The following MAPK8 variants were observed in gnomAD, a reference collection of about 807,000 sequenced individuals.
The protein encoded by MAPK8 is mitogen-activated protein kinase 8.
A neutral mutation model predicts 52.9 loss-of-function variants in MAPK8; 13 were observed. That is an observed-to-expected ratio of 0.25 (90% CI 0.16 to 0.39). The LOEUF (loss-of-function observed/expected upper bound fraction) is 0.39, where lower values mean the gene tolerates loss of function less well. MAPK8 is among the 10% of genes least tolerant of loss of function. The pLI is 1.00. For missense variants in MAPK8, 300 were observed against 519.2 expected (o/e 0.58, Z 4.10); for synonymous variants, 191 against 169.8 (o/e 1.12, Z -0.97).
chr10:48,369,716 G>C (rs1848379902), intron 1 of MAPK8, among the ~76,000 whole-genome samples: 1 of 152,090 alleles, frequency 6.6e-6, no homozygotes, highest in Admixed American at 6.6e-5. Context: ...GGGCAGACTG[G>C]GAAGGAACAG....
At chr10:48,434,831 C>G (rs752383625) in intron 11 of MAPK8, 53 bp from the exon 12 acceptor site, 1 of 1,523,494 alleles carries the variant, frequency 6.6e-7, no homozygotes, top group Admixed American at 1.9e-5. Context: ...GTGCAAGTAG[C>G]TTGATCTGCA....
chr10:48,362,842 A>T (rs920221254), intron 1 of MAPK8, among the ~76,000 whole-genome samples: 5 of 150,622 alleles, frequency 3.3e-5, no homozygotes, highest in Middle Eastern at 3.4e-3. Flanking sequence ...CCGGGTTCAA[A>T]CAATTCTCCT....
chr10:48,395,588 A>T (rs1464586157), intron 1 of MAPK8, among the ~76,000 whole-genome samples: 12 of 152,098 alleles, frequency 7.9e-5, no homozygotes, highest in Non-Finnish European at 1.8e-4. Flanking sequence ...GTCACTGTTA[A>T]CACAATTCCT....
intron 1 of MAPK8, among the ~76,000 whole-genome samples, chr10:48,369,461 G>A (rs142613732): frequency 6.6e-6 from 1 of 152,062 alleles, no homozygotes; most frequent in Non-Finnish European, 1.5e-5. Context: ...TTTTGTGCAC[G>A]TGCAGAGTTT....
chr10:48,404,757 G>A, intron 2 of MAPK8, 95 bp from the exon 3 acceptor site: 1 of 919,202 alleles, frequency 1.1e-6, no homozygotes, highest in Admixed American at 2.5e-5. Flanking sequence ...ACTTGTCTTT[G>A]GAGAAAGTGA....
chr10:48,417,098 A>G (rs1043370363), intron 5 of MAPK8, among the ~76,000 whole-genome samples: 1 of 152,178 alleles, frequency 6.6e-6, no homozygotes, highest in African/African-American at 2.4e-5. Flanking sequence ...CCCAGTTGTG[A>G]CAATCAAAAA....
intron 7 of MAPK8, chr10:48,425,578 A>G: frequency 3.0e-6 from 1 of 328,494 alleles, no homozygotes. Flanking sequence ...AGTTAGAGCC[A>G]CTATGGATAG....
intron 1 of MAPK8, among the ~76,000 whole-genome samples, chr10:48,347,434 C>T (rs1304327379): frequency 6.6e-6 from 1 of 152,150 alleles, no homozygotes; most frequent in East Asian, 1.9e-4. Flanking sequence ...TTTTGGGATA[C>T]ATGTGCAGAA....
intron 1 of MAPK8, among the ~76,000 whole-genome samples, chr10:48,375,913 T>C (rs773818950): frequency 1.3e-5 from 2 of 152,020 alleles, no homozygotes; most frequent in Admixed American, 6.6e-5. Flanking sequence ...GGAACCAAAA[T>C]AGAGCCCACA....
intron 1 of MAPK8, among the ~76,000 whole-genome samples, chr10:48,326,797 A>G (rs1843566503): frequency 6.6e-6 from 1 of 152,178 alleles, no homozygotes; most frequent in Non-Finnish European, 1.5e-5. Flanking sequence ...CTGACCAGTA[A>G]ATTTCCTCCA....
chr10:48,319,445 G>A (rs530820842), intron 1 of MAPK8, among the ~76,000 whole-genome samples: 127 of 152,060 alleles, frequency 8.4e-4, no homozygotes, highest in Middle Eastern at 3.4e-3. Flanking sequence ...GCCCTAAACA[G>A]CCACTTACCC....
chr10:48,414,634 T>C (rs559191345), intron 5 of MAPK8, among the ~76,000 whole-genome samples: 3 of 147,092 alleles, frequency 2.0e-5, no homozygotes, highest in African/African-American at 7.6e-5. Flanking sequence ...ATGAGTGCAG[T>C]AGCATGAACA....
At chr10:48,406,790 G>A (rs572316293) in intron 3 of MAPK8, among the ~76,000 whole-genome samples, 10 of 152,062 alleles carry the variant, frequency 6.6e-5, no homozygotes, top group African/African-American at 2.2e-4. Context: ...AATCTTGGCC[G>A]TTTATCTCTG....
intron 1 of MAPK8, among the ~76,000 whole-genome samples, chr10:48,351,221 C>T (rs1019399091): frequency 6.6e-6 from 1 of 151,818 alleles, no homozygotes; most frequent in Non-Finnish European, 1.5e-5. Context: ...AATGCTATCC[C>T]CATCAAGCCA....
At chr10:48,349,798 C>T (rs1846130080) in intron 1 of MAPK8, among the ~76,000 whole-genome samples, 3 of 152,030 alleles carry the variant, frequency 2.0e-5, no homozygotes, top group Non-Finnish European at 2.9e-5. Context: ...GATACAGACA[C>T]GGAAAACCCC....
intron 1 of MAPK8, among the ~76,000 whole-genome samples, chr10:48,372,008 G>A (rs1309344361): frequency 1.3e-5 from 2 of 152,028 alleles, no homozygotes; most frequent in Non-Finnish European, 2.9e-5. Context: ...GCTATGCCAC[G>A]CTCTGGGAAC....
intron 10 of MAPK8, among the ~76,000 whole-genome samples, chr10:48,427,732 T>C (rs890099521): frequency 5.3e-5 from 8 of 152,214 alleles, no homozygotes; most frequent in African/African-American, 1.9e-4. Flanking sequence ...GACCTCGTGA[T>C]CCACCCGCCT....
intron 1 of MAPK8, among the ~76,000 whole-genome samples, chr10:48,368,831 A>AT (rs1480088467): frequency 6.6e-6 from 1 of 152,182 alleles, no homozygotes; most frequent in Non-Finnish European, 1.5e-5. Flanking sequence ...TCAGTATCAG[A>AT]TGCGTCCTCT....
chr10:48,342,238 G>A (rs971162720), intron 1 of MAPK8, among the ~76,000 whole-genome samples: 8 of 152,046 alleles, frequency 5.3e-5, no homozygotes, highest in Non-Finnish European at 1.2e-4. Flanking sequence ...CAAGTATCTG[G>A]GACTACAGGC....
Sources: gnomAD v4.1 joint callset for allele counts (sites outside exome capture counted in the v4.1 genomes callset) on GRCh38, gnomAD v4.1.1 for gene constraint, MANE v1.5 for transcripts, NCBI Gene and HGNC (gene_info 2026-07-23, HGNC 2026-07-21) for gene names.